ANO3: variants seen among roughly 807,000 people sequenced by gnomAD.
ANO3 encodes anoctamin 3, also known as anoctamin-3.
ANO3 carries 99 observed loss-of-function variants against 144.8 expected under a neutral mutation model. The ratio of observed to expected loss-of-function variants is 0.68; its 90% CI spans 0.58 to 0.81. The LOEUF (loss-of-function observed/expected upper bound fraction) is 0.81, where lower values mean the gene tolerates loss of function less well. Ranked by LOEUF, ANO3 falls within the 30% of genes least tolerant of loss-of-function variation. The pLI is 0.00. For synonymous variants in ANO3, 414 were observed against 392.6 expected (o/e 1.05, Z -0.64); for missense variants, 905 against 1,202.2 (o/e 0.75, Z 3.66).
At position 26,224,811 on chromosome 11, in the gene ANO3, G is replaced by A. The variant is rs545672814; in HGVS notation, c.154+35481G>A. Among the ~76,000 whole-genome samples the A allele has an allele frequency of 6.6e-5, 10 of 152,282 alleles. No individual in the cohort carries two copies. In the South Asian group the frequency reaches 2.1e-3, roughly 32 times the overall value. On this transcript the variant is annotated intron_variant, in intron 1 of 27. Transcript: ENST00000672621. ...CAGTGCTTGGGCTTCAGCAATGTAT[G>A]CTGGGCTTTGATCCATCTGACTGGC...
intron 1 of ANO3, among the ~76,000 whole-genome samples, chr11:26,414,857 T>G (rs1296020377): frequency 6.6e-6 from 1 of 152,058 alleles, no homozygotes; most frequent in Non-Finnish European, 1.5e-5. Flanking sequence ...AGAAGTGTTT[T>G]TTATCAGGAT....
At chr11:26,522,712 A>G (rs1862131329) in intron 6 of ANO3, among the ~76,000 whole-genome samples, 1 of 152,212 alleles carries the variant, frequency 6.6e-6, no homozygotes, top group Non-Finnish European at 1.5e-5. Flanking sequence ...TATGCAGTAT[A>G]TTGAAAATAT....
At chr11:26,315,058 T>C (rs1039705164) in intron 1 of ANO3, among the ~76,000 whole-genome samples, 1 of 152,092 alleles carries the variant, frequency 6.6e-6, no homozygotes, top group Non-Finnish European at 1.5e-5. Context: ...ATCTAATATT[T>C]TCTTTCCATA....
At chr11:26,385,908 T>TATATATATATATATATATATATATAC (rs1310559300) in intron 1 of ANO3, among the ~76,000 whole-genome samples, 48 of 149,428 alleles carry the variant, frequency 3.2e-4, no homozygotes, top group East Asian at 6.0e-4. Flanking sequence ...TATATTTATA[T>TATATATATATATATATATATATATAC]ACATATTTAC....
At chr11:26,517,768 T>C (rs1441690248) in intron 6 of ANO3, among the ~76,000 whole-genome samples, 1 of 152,046 alleles carries the variant, frequency 6.6e-6, no homozygotes, top group Non-Finnish European at 1.5e-5. Context: ...AGTCCAACTC[T>C]GGTAGAAGTG....
chr11:26,503,454 T>C (rs560906041), intron 4 of ANO3, among the ~76,000 whole-genome samples: 1 of 152,162 alleles, frequency 6.6e-6, no homozygotes, highest in Non-Finnish European at 1.5e-5. Flanking sequence ...TGAATGGCTG[T>C]CATATATATT....
At chr11:26,268,078 A>C (rs1010530664) in intron 1 of ANO3, among the ~76,000 whole-genome samples, 1 of 152,302 alleles carries the variant, frequency 6.6e-6, no homozygotes, top group East Asian at 1.9e-4. Flanking sequence ...AAGAACTATA[A>C]GAAAATCAGC....
intron 1 of ANO3, among the ~76,000 whole-genome samples, chr11:26,438,592 C>CAAA (rs1227963923): frequency 3.6e-4 from 25 of 70,298 alleles, no homozygotes; most frequent in East Asian, 2.8e-3. Context: ...ACTAAAAATA[C>CAAA]AAAAAAAAAA....
chr11:26,509,230 T>TACC (rs1861556342), intron 5 of ANO3, among the ~76,000 whole-genome samples: 1 of 151,990 alleles, frequency 6.6e-6, no homozygotes, highest in Non-Finnish European at 1.5e-5. Flanking sequence ...TATTACAACT[T>TACC]AGAGATTTAC....
At chr11:26,407,026 G>A (rs1406823864) in intron 1 of ANO3, among the ~76,000 whole-genome samples, 1 of 128,564 alleles carries the variant, frequency 7.8e-6, no homozygotes, top group Non-Finnish European at 1.6e-5. Flanking sequence ...ATATATATAG[G>A]TGTGTGTGTA....
Position 26,255,158 on chromosome 11 carries a change from C to T in ANO3, c.155-54487C>T, listed in dbSNP as rs184075996. On this transcript the variant is annotated intron_variant, in intron 1 of 27. Coordinates refer to the ANO3 transcript ENST00000672621. ...TCTCAGAGAGATTAATTAGGAAAGT[C>T]GCTGGAGTATTTGTGGTACAATTAG... is the stretch of plus-strand genomic sequence containing the variant. Among the ~76,000 whole-genome samples the T allele has an allele frequency of 5.3e-4, 80 of 152,226 alleles. 1 individual carries two copies. In the East Asian group the frequency reaches 0.01, roughly 19 times the overall value.
intron 18 of ANO3, among the ~76,000 whole-genome samples, chr11:26,628,280 A>G (rs1852659171): frequency 6.6e-6 from 1 of 152,348 alleles, no homozygotes; most frequent in South Asian, 2.1e-4. Context: ...TTACAGTGTT[A>G]AAATCGTAAC....
At chr11:26,342,699 T>A (rs1009717829) in intron 1 of ANO3, among the ~76,000 whole-genome samples, 1 of 152,202 alleles carries the variant, frequency 6.6e-6, no homozygotes, top group Non-Finnish European at 1.5e-5. Context: ...TGCCAGTAGT[T>A]CCCGTACTCA....
intron 1 of ANO3, among the ~76,000 whole-genome samples, chr11:26,315,123 T>C (rs1035429569): frequency 6.6e-6 from 1 of 151,980 alleles, no homozygotes; most frequent in African/African-American, 2.4e-5. Context: ...CAGCTGTAGA[T>C]GATTACATCT....
intron 1 of ANO3, among the ~76,000 whole-genome samples, chr11:26,213,341 G>A (rs1851972570): frequency 6.6e-6 from 1 of 152,052 alleles, no homozygotes; most frequent in South Asian, 2.1e-4. Context: ...AAGTAAAATT[G>A]TCTGTGTTTG....
In ANO3 at chr11:26,332,265, G is replaced by T. The variant is rs143269109; in HGVS notation, c.-11G>T. 517 of 1,613,954 alleles carry T rather than the reference G, an allele frequency of 3.2e-4. 4 individuals are homozygous for T. In the East Asian group the frequency reaches 0.011, roughly 35 times the overall value. On this transcript the variant is annotated 5_prime_UTR_variant, in exon 1 of 27. Coordinates refer to ENST00000256737, the MANE Select transcript of ANO3 (RefSeq NM_031418.4). ...CAGCTCCCTAAGCCGGCTGGGACGC[G>T]CAGAGTGAAAATGGTCCACCATTCA... is the stretch of plus-strand genomic sequence containing the variant.
intron 1 of ANO3, among the ~76,000 whole-genome samples, chr11:26,416,973 C>G (rs1857607651): frequency 6.6e-6 from 1 of 152,062 alleles, no homozygotes. Flanking sequence ...TTCAACTTCA[C>G]AAGTCCCAGT....
intron 1 of ANO3, among the ~76,000 whole-genome samples, chr11:26,434,353 A>G (rs1315427468): frequency 6.6e-6 from 1 of 152,032 alleles, no homozygotes; most frequent in Admixed American, 6.6e-5. Flanking sequence ...TGGCCTATGT[A>G]CATCATTAAT....
chr11:26,543,071 G>A (rs1046869722), intron 11 of ANO3, among the ~76,000 whole-genome samples: 1 of 152,024 alleles, frequency 6.6e-6, no homozygotes, highest in Non-Finnish European at 1.5e-5. Context: ...CCAGGGACCA[G>A]CACAGCTGGA....
Sources: allele counts gnomAD v4.1 joint callset (sites outside exome capture counted in the v4.1 genomes callset), GRCh38; gene constraint gnomAD v4.1.1; transcripts MANE v1.5; gene names NCBI Gene and HGNC (gene_info 2026-07-23, HGNC 2026-07-21).